The following PIK3CA variants were observed in gnomAD, a reference collection of about 807,000 sequenced individuals.
The protein encoded by PIK3CA is phosphatidylinositol 4,5-bisphosphate 3-kinase catalytic subunit alpha isoform.
In PIK3CA, 27 loss-of-function variants were observed where a neutral mutation model predicts 138.2. The observed-to-expected ratio is 0.20, with a 90% CI of 0.14 to 0.27. The LOEUF (loss-of-function observed/expected upper bound fraction) is 0.27. Among genes scored for constraint, PIK3CA ranks in the 10% least tolerant of loss-of-function variants. The pLI, the probability that PIK3CA is intolerant of heterozygous loss-of-function variation, is 1.00. For synonymous variants in PIK3CA, 358 were observed against 413.2 expected (o/e 0.87, Z 1.62); for missense variants, 544 against 1,277.4 (o/e 0.43, Z 8.75).
Position 179,234,135 on chromosome 3 carries a change from A to G in PIK3CA, c.2978A>G (p.Gln993Arg). 6.2e-7 allele frequency: 1 copy of G among 1,612,366 alleles called. No homozygotes were observed. The highest frequency in any genetic ancestry group is 8.5e-7 in the Non-Finnish European group (1 of 1,178,542). The part of the protein sequence containing the change: ...MCYKAYLAIR[Q>R]HANLFINLFS... ...TACAAGGCTTATCTAGCTATTCGAC[A>G]GCATGCCAATCTCTTCATAAATCTT... Residue 993 changes from glutamine to arginine, a missense_variant, in exon 21 of 21, where the codon CAG becomes CGG. This residue lies in a region of PIK3CA where 13 missense variants were observed against 17.3 expected (regional missense o/e 0.75). Transcript: ENST00000263967. The surrounding 1 kb of genome is among the most constrained non-coding windows in gnomAD (Gnocchi z 5.1).
At chr3:179,198,575 C>CT (rs1724325798) in intron 1 of PIK3CA, among the ~76,000 whole-genome samples, 175 bp from the exon 2 acceptor site, 1 of 152,118 alleles carries the variant, frequency 6.6e-6, no homozygotes, top group African/African-American at 2.4e-5. Flanking sequence ...GAAATAAATT[C>CT]TTTGTAGCCT....
intron 20 of PIK3CA, chr3:179,233,263 A>G (rs568457051): frequency 2.0e-4 from 81 of 398,164 alleles, no homozygotes; most frequent in African/African-American, 1.4e-3. Context: ...TTGGATGCCA[A>G]TGTGGGCTTC....
At chr3:179,199,609 A>G (rs2108386889) in intron 2 of PIK3CA, 81 bp from the exon 3 acceptor site, 5 of 1,012,382 alleles carry the variant, frequency 4.9e-6, no homozygotes, top group African/African-American at 3.2e-5. Flanking sequence ...CCAAATCTAC[A>G]GAGTTCCCTG....
At chr3:179,176,937 A>T (rs185739417) in intron 1 of PIK3CA, among the ~76,000 whole-genome samples, 39 of 152,338 alleles carry the variant, frequency 2.6e-4, no homozygotes, top group African/African-American at 8.9e-4. Context: ...AATCTGAGAG[A>T]GCTGTCTTTG....
chr3:179,179,005 A>G (rs1723774110), intron 1 of PIK3CA, among the ~76,000 whole-genome samples: 1 of 152,238 alleles, frequency 6.6e-6, no homozygotes, highest in African/African-American at 2.4e-5. Context: ...CCATATTGTT[A>G]TCATAAATGC....
At chr3:179,169,074 G>A (rs1312954077) in intron 1 of PIK3CA, 1 of 152,008 alleles carries the variant, frequency 6.6e-6, no homozygotes, top group Non-Finnish European at 1.5e-5. Flanking sequence ...TTATGTTTAT[G>A]AGTGGCTGAG....
chr3:179,160,167 A>C (rs1007387602), intron 1 of PIK3CA, among the ~76,000 whole-genome samples: 9 of 152,226 alleles, frequency 5.9e-5, no homozygotes, highest in Admixed American at 5.9e-4. Context: ...ATGTTATGAC[A>C]GCTATGATGT....
At chr3:179,174,539 C>T (rs561653831) in intron 1 of PIK3CA, among the ~76,000 whole-genome samples, 2 of 152,258 alleles carry the variant, frequency 1.3e-5, no homozygotes, top group African/African-American at 4.8e-5. Flanking sequence ...ACAACTTTGT[C>T]TTGTCTCATG....
chr3:179,191,554 ACTTT>A (rs776304770), intron 1 of PIK3CA, among the ~76,000 whole-genome samples: 30 of 152,328 alleles, frequency 2.0e-4, no homozygotes, highest in Middle Eastern at 3.4e-3. Context: ...CTTCAAAATA[ACTTT>A]CTTTCTTATT....
At chr3:179,178,532 G>A (rs889208990) in intron 1 of PIK3CA, among the ~76,000 whole-genome samples, 34 of 152,096 alleles carry the variant, frequency 2.2e-4, no homozygotes, top group African/African-American at 8.0e-4. Flanking sequence ...TTATGATATA[G>A]ACCAACTGGA....
At chr3:179,173,691 A>G (rs1560128100) in intron 1 of PIK3CA, among the ~76,000 whole-genome samples, 1 of 152,220 alleles carries the variant, frequency 6.6e-6, no homozygotes, top group Non-Finnish European at 1.5e-5. Context: ...TTGACAACAA[A>G]GGAAGAAAAC....
chr3:179,178,243 G>A (rs1189980442), intron 1 of PIK3CA, among the ~76,000 whole-genome samples: 1 of 130,790 alleles, frequency 7.6e-6, no homozygotes, highest in Non-Finnish European at 1.6e-5. Flanking sequence ...GACCAAGTGC[G>A]ACCTTGTCTC....
rs762180695 is a variant in PIK3CA, at chr3:179,182,139, G to A, written c.-76-16611G>A. 5.9e-5 allele frequency among the ~76,000 whole-genome samples: 9 copies of A among 152,126 alleles called. 1 individual carries two copies. In the South Asian group the frequency reaches 1.9e-3, roughly 32 times the overall value. On this transcript the variant is annotated intron_variant, in intron 1 of 20. Coordinates refer to ENST00000263967, the MANE Select transcript of PIK3CA (RefSeq NM_006218.4). Reference sequence around the variant, plus strand: ...CAAACTTTCTTACGTCTTCCTCTGTGCCTTTATTTTAATGTCAGCAGAAGT... The same window carrying A: ...CAAACTTTCTTACGTCTTCCTCTGTACCTTTATTTTAATGTCAGCAGAAGT...
Position 179,234,536 on chromosome 3 carries a change from A to C in PIK3CA, c.*172A>C, listed in dbSNP as rs1221805006. 6 of 455,396 alleles carry C rather than the reference A, an allele frequency of 1.3e-5. No homozygotes were observed. Among genetic ancestry groups the C allele is most frequent in the Non-Finnish European group, 2.3e-5 (6 of 265,156 alleles). The allele number at this position is 455,396 out of a possible 1,614,324, so 28.2% of individuals were successfully genotyped here. A position where few individuals can be genotyped will look rare whatever the true frequency, so the allele number is the denominator to read the frequency against. On this transcript the variant is annotated 3_prime_UTR_variant, in exon 21 of 21. Coordinates refer to ENST00000263967, the MANE Select transcript of PIK3CA (RefSeq NM_006218.4). This position sits in a 1 kb window ranked among gnomAD's most constrained non-coding sequence, Gnocchi z 5.1. ...TAATTTAAATAATGTAAACGCAAAC[A>C]GGGTTTGATAGCACTTAAACTAGTT... is the stretch of plus-strand genomic sequence containing the variant.
intron 20 of PIK3CA, among the ~76,000 whole-genome samples, chr3:179,231,797 C>CTGGG (rs1725219723): frequency 1.3e-5 from 2 of 151,756 alleles, no homozygotes; most frequent in African/African-American, 4.8e-5. Flanking sequence ...CACATGCCAC[C>CTGGG]ACACACGGCT....
chr3:179,229,875 T>C (rs1214617467), intron 18 of PIK3CA, 129 bp from the exon 19 acceptor site: 1 of 603,134 alleles, frequency 1.7e-6, no homozygotes. Flanking sequence ...TCTTTGGACA[T>C]AATTTCCTTA....
chr3:179,203,873 C>G (rs1560139661), intron 5 of PIK3CA, 84 bp downstream of exon 5: 1 of 955,940 alleles, frequency 1.0e-6, no homozygotes, highest in Non-Finnish European at 1.5e-6. Flanking sequence ...ATCTGTTGAC[C>G]TGTAGTATGT....
Position 179,201,364 on chromosome 3 carries a change from C to G in PIK3CA, c.637C>G (p.His213Asp), listed in dbSNP as rs2108389527. 6.2e-7 allele frequency: 1 copy of G among 1,613,386 alleles called. No individual in the cohort carries two copies. Among genetic ancestry groups the G allele is most frequent in the Non-Finnish European group, 8.5e-7 (1 of 1,179,562 alleles). ...GCAGAAGTATACTCTGAAAATCAAC[C>G]ATGACTGTGTACCAGAACAAGTAAT... ...DKQKYTLKIN[H>D]DCVPEQVIAE... Residue 213 changes from histidine (H) to aspartate (D), a missense_variant, in exon 4 of 21, where the codon CAT (histidine) becomes GAT (aspartate). His to Asp is a moderately conservative substitution (Grantham distance 81). Around this residue, in one of 14 missense-constraint regions of PIK3CA, gnomAD observed 234 missense variants for 401.3 expected, o/e 0.58. Coordinates refer to ENST00000263967, the MANE Select transcript of PIK3CA (RefSeq NM_006218.4).
intron 1 of PIK3CA, among the ~76,000 whole-genome samples, chr3:179,182,907 T>C (rs939016537): frequency 6.6e-6 from 1 of 152,236 alleles, no homozygotes; most frequent in African/African-American, 2.4e-5. Context: ...TTTGGCTGTA[T>C]TGTATTATCG....
Sources: gnomAD v4.1 joint callset for allele counts (sites outside exome capture counted in the v4.1 genomes callset) on GRCh38, gnomAD v4.1.1 for gene constraint, gnomAD v4.1.1 regional missense constraint, Gnocchi (gnomAD v3.1) non-coding constraint, MANE v1.5 for transcripts, NCBI Gene and HGNC (gene_info 2026-07-23, HGNC 2026-07-21) for gene names.